Variants in SCRG1 observed in about 807,000 individuals in gnomAD.
SCRG1 encodes stimulator of chondrogenesis 1.
SCRG1 carries 3 observed loss-of-function variants against 7.7 expected under a neutral mutation model. That is an observed-to-expected ratio of 0.39 (90% CI 0.18 to 1.01). The LOEUF (loss-of-function observed/expected upper bound fraction) is 1.01. SCRG1 is among the 50% of genes least tolerant of loss of function. The pLI is 0.36. For missense variants in SCRG1, 110 were observed against 117.2 expected, an observed-to-expected ratio of 0.94 and a Z score of 0.28; for synonymous variants, 46 against 41.2, an observed-to-expected ratio of 1.12 and a Z score of -0.44.
At chr4:173,404,899 T>C (rs1385776372) in intron 1 of SCRG1, among the ~76,000 whole-genome samples, 3 of 152,232 alleles carry the variant, frequency 2.0e-5, no homozygotes, top group Admixed American at 1.3e-4. Flanking sequence ...TTTAAAATAG[T>C]TTTTCATTTA....
upstream of SCRG1, among the ~76,000 whole-genome samples, chr4:173,406,628 C>A (rs1739913183): frequency 6.6e-6 from 1 of 152,052 alleles, no homozygotes; most frequent in African/African-American, 2.4e-5. Flanking sequence ...CCTATTCAAC[C>A]CTCCCCTCCC....
At chr4:173,389,919 A>G (rs1371725508) in intron 2 of SCRG1, 1 of 400,660 alleles carries the variant, frequency 2.5e-6, no homozygotes, top group Non-Finnish European at 5.2e-6. Context: ...GAAAAAGCTA[A>G]TTTCAATATG....
At chr4:173,419,656 G>A in the SCRG1 span, 9 of 753,390 alleles carry the variant, frequency 1.2e-5, no homozygotes, top group Admixed American at 3.5e-5. Flanking sequence ...TACTGTGAGG[G>A]TTAGACAAAC....
At chr4:173,407,002 G>T (rs1739926451), upstream of SCRG1, among the ~76,000 whole-genome samples, 1 of 152,064 alleles carries the variant, frequency 6.6e-6, no homozygotes, top group South Asian at 2.1e-4. Context: ...GAGGTCAGGA[G>T]TTTGAGACCA....
At chr4:173,390,286 A>G (rs1352017751) in intron 2 of SCRG1, among the ~76,000 whole-genome samples, 1 of 152,174 alleles carries the variant, frequency 6.6e-6, no homozygotes. Context: ...TAGTAGATAA[A>G]TCAATAAATA....
chr4:173,424,025 T>A, the SCRG1 span, among the ~76,000 whole-genome samples: 6 of 152,358 alleles, frequency 3.9e-5, no homozygotes, highest in Admixed American at 1.3e-4. Flanking sequence ...AATTTATTCA[T>A]GAAGGCAGAG....
chr4:173,509,367 C>T, the SCRG1 span, among the ~76,000 whole-genome samples: 8 of 152,280 alleles, frequency 5.3e-5, no homozygotes, highest in East Asian at 1.4e-3. This position sits in a 1 kb window ranked among gnomAD's most constrained non-coding sequence, Gnocchi z 5.7. Context: ...TCCTGGAGGC[C>T]TGAACCTCGC....
upstream of SCRG1, chr4:173,403,038 G>A (rs1223285667): frequency 6.6e-6 from 1 of 152,156 alleles, no homozygotes; most frequent in Non-Finnish European, 1.5e-5. Context: ...ACTATATAAA[G>A]TTTCCCTTAA....
chr4:173,426,499 C>G, the SCRG1 span, among the ~76,000 whole-genome samples: 1 of 152,310 alleles, frequency 6.6e-6, no homozygotes, highest in South Asian at 2.1e-4. Context: ...CAGGGTCTTT[C>G]TCTGTTGCCC....
chr4:173,440,487 A>T, the SCRG1 span, among the ~76,000 whole-genome samples: 1 of 152,172 alleles, frequency 6.6e-6, no homozygotes, highest in East Asian at 1.9e-4. Context: ...ATTTTGACAG[A>T]TAGTGTGTTA....
At chr4:173,455,257 G>A in the SCRG1 span, among the ~76,000 whole-genome samples, 2 of 151,870 alleles carry the variant, frequency 1.3e-5, no homozygotes, top group South Asian at 2.1e-4. Flanking sequence ...ATATTAAGGG[G>A]GTATTAAAAC....
chr4:173,419,001 C>T, the SCRG1 span, among the ~76,000 whole-genome samples: 7 of 152,088 alleles, frequency 4.6e-5, no homozygotes, highest in East Asian at 1.9e-4. Context: ...TTCCTTGTAG[C>T]GATTTGAGAA....
chr4:173,425,334 C>A, the SCRG1 span, among the ~76,000 whole-genome samples: 2 of 152,192 alleles, frequency 1.3e-5, no homozygotes, highest in Admixed American at 6.5e-5. Flanking sequence ...GCCATAAACT[C>A]AGAAGGCAAA....
chr4:173,444,127 C>T, the SCRG1 span, among the ~76,000 whole-genome samples: 89 of 152,166 alleles, frequency 5.8e-4, no homozygotes, highest in South Asian at 1.2e-3. Context: ...GTGCCCGCCA[C>T]CACGCCTGGC....
the SCRG1 span, among the ~76,000 whole-genome samples, chr4:173,488,136 T>TA: frequency 8.7e-3 from 938 of 107,996 alleles, 10 homozygotes; most frequent in African/African-American, 0.028. Context: ...TAAATAAATT[T>TA]AAAAAATGGT....
the SCRG1 span, among the ~76,000 whole-genome samples, chr4:173,445,963 C>T: frequency 6.6e-6 from 1 of 152,152 alleles, no homozygotes; most frequent in Non-Finnish European, 1.5e-5. Flanking sequence ...TGCACCTGGC[C>T]TTTAAGGAGA....
At chr4:173,452,234 T>G in the SCRG1 span, among the ~76,000 whole-genome samples, 1 of 11,304 alleles carries the variant, frequency 8.8e-5, no homozygotes, top group Non-Finnish European at 5.5e-4. Context: ...AGACTTCATC[T>G]CAAAGAAGAA....
chr4:173,485,803 C>A, the SCRG1 span, among the ~76,000 whole-genome samples: 1 of 151,970 alleles, frequency 6.6e-6, no homozygotes, highest in Non-Finnish European at 1.5e-5. Flanking sequence ...AACCCCGCCT[C>A]TACTAAAAAT....
the SCRG1 span, among the ~76,000 whole-genome samples, chr4:173,477,673 T>C: frequency 6.6e-6 from 1 of 152,172 alleles, no homozygotes; most frequent in Admixed American, 6.5e-5. Flanking sequence ...TTTAAAGGAA[T>C]AATGCTAAAC....
Sources: allele counts gnomAD v4.1 joint callset (sites outside exome capture counted in the v4.1 genomes callset), GRCh38; gene constraint gnomAD v4.1.1; non-coding constraint Gnocchi (gnomAD v3.1); transcripts MANE v1.5; gene names NCBI Gene and HGNC (gene_info 2026-07-23, HGNC 2026-07-21).